ADAM18: variants seen among roughly 807,000 people sequenced by gnomAD.
The protein encoded by ADAM18 is ADAM metallopeptidase domain 18.
ADAM18 carries 117 observed loss-of-function variants against 94.4 expected under a neutral mutation model. The ratio of observed to expected loss-of-function variants is 1.24; its 90% CI spans 1.07 to 1.45. The LOEUF (loss-of-function observed/expected upper bound fraction) is 1.45. Ranked by LOEUF, ADAM18 falls within the 40% of genes most tolerant of loss-of-function variation. ADAM18 has a pLI of 0.00. For missense variants in ADAM18, 936 were observed against 880.0 expected (o/e 1.06, Z -0.81); for synonymous variants, 327 against 291.6 (o/e 1.12, Z -1.24).
In ADAM18 at chr8:39,687,712, A is replaced by G. The variant is rs574921853; in HGVS notation, c.1822-4888A>G. Among the ~76,000 whole-genome samples the G allele has an allele frequency of 5.9e-5, 9 of 152,310 alleles. No individual in the cohort carries two copies. In the East Asian group the frequency reaches 1.7e-3, roughly 29 times the overall value. On this transcript the variant is annotated intron_variant, in intron 16 of 19. Transcript: ENST00000265707. ...GTTTAGCTCCCACTTATAAGTGAGAACATGCAGTATTTAGTTTTCTGTTCC... is the reference window on the plus strand; with the variant it reads ...GTTTAGCTCCCACTTATAAGTGAGAGCATGCAGTATTTAGTTTTCTGTTCC...
chr8:39,706,323 G>A (rs1348375665), intron 17 of ADAM18, among the ~76,000 whole-genome samples: 1 of 152,160 alleles, frequency 6.6e-6, no homozygotes, highest in Non-Finnish European at 1.5e-5. Context: ...AATGTCAAAT[G>A]TTGAAAAGGG....
intron 17 of ADAM18, among the ~76,000 whole-genome samples, chr8:39,701,358 T>C (rs1282872311): frequency 6.6e-6 from 1 of 151,916 alleles, no homozygotes; most frequent in Non-Finnish European, 1.5e-5. Flanking sequence ...TTTTAATACG[T>C]TGTGATAATC....
At chr8:39,662,119 T>C (rs1820857479) in intron 12 of ADAM18, among the ~76,000 whole-genome samples, 1 of 151,980 alleles carries the variant, frequency 6.6e-6, no homozygotes, top group Admixed American at 6.6e-5. Flanking sequence ...ATCAGAGAAG[T>C]AATAATGAGA....
At chr8:39,692,090 A>G (rs544763911) in intron 16 of ADAM18, among the ~76,000 whole-genome samples, 27 of 151,960 alleles carry the variant, frequency 1.8e-4, no homozygotes, top group African/African-American at 6.3e-4. Context: ...CATATTACAC[A>G]TTTTGCCATA....
At chr8:39,698,932 A>C (rs1186699966) in intron 17 of ADAM18, among the ~76,000 whole-genome samples, 5 of 152,092 alleles carry the variant, frequency 3.3e-5, no homozygotes, top group African/African-American at 1.2e-4. Flanking sequence ...GCAGTGCTTT[A>C]GAGAAATTTT....
At chr8:39,705,940 T>C (rs563516426) in intron 17 of ADAM18, among the ~76,000 whole-genome samples, 2 of 152,088 alleles carry the variant, frequency 1.3e-5, no homozygotes, top group Non-Finnish European at 2.9e-5. Flanking sequence ...TTAATGTATA[T>C]GTGTGTTTGT....
At chr8:39,640,703 T>C (rs1342594677) in intron 10 of ADAM18, among the ~76,000 whole-genome samples, 1 of 152,166 alleles carries the variant, frequency 6.6e-6, no homozygotes, top group African/African-American at 2.4e-5. Flanking sequence ...GTTTATTGAC[T>C]TTTTAATAAT....
intron 2 of ADAM18, among the ~76,000 whole-genome samples, chr8:39,588,097 T>C (rs1165224526): frequency 1.3e-5 from 2 of 152,192 alleles, no homozygotes; most frequent in African/African-American, 4.8e-5. Flanking sequence ...TTTTAATTTT[T>C]TGTGGAACCT....
At chr8:39,597,963 A>C (rs1265743826) in intron 2 of ADAM18, among the ~76,000 whole-genome samples, 1 of 152,154 alleles carries the variant, frequency 6.6e-6, no homozygotes, top group African/African-American at 2.4e-5. Flanking sequence ...TCAATTTTGA[A>C]GTTTTTCTCA....
intron 2 of ADAM18, among the ~76,000 whole-genome samples, chr8:39,588,229 T>G (rs1232283720): frequency 2.4e-5 from 3 of 126,008 alleles, no homozygotes; most frequent in Admixed American, 7.9e-5. Context: ...TGGGTGTGGG[T>G]TTTTTTTTTT....
At chr8:39,585,423 C>A in intron 2 of ADAM18, 71 bp downstream of exon 2, 1 of 1,094,000 alleles carries the variant, frequency 9.1e-7, no homozygotes. Context: ...TATATTAAGT[C>A]AGATCATACT....
intron 19 of ADAM18, among the ~76,000 whole-genome samples, chr8:39,727,829 G>GC (rs1420033642): frequency 6.6e-6 from 1 of 152,076 alleles, no homozygotes; most frequent in Non-Finnish European, 1.5e-5. Context: ...TTATGGCAAT[G>GC]CCCCACTGCT....
intron 2 of ADAM18, among the ~76,000 whole-genome samples, chr8:39,596,663 A>C (rs2129458165): frequency 6.6e-6 from 1 of 152,300 alleles, no homozygotes; most frequent in Admixed American, 6.5e-5. Context: ...TATGGACATA[A>C]GTTTTCAGCT....
intron 2 of ADAM18, among the ~76,000 whole-genome samples, chr8:39,587,995 A>G (rs1362994325): frequency 1.3e-5 from 2 of 152,196 alleles, no homozygotes; most frequent in Non-Finnish European, 2.9e-5. Context: ...TGGAATTAAC[A>G]TGGGGCTGCA....
At position 39,608,798 on chromosome 8, in the gene ADAM18, A is replaced by C. The variant is rs147066564; in HGVS notation, c.189-244A>C. On this transcript the variant is annotated intron_variant, in intron 3 of 19. Coordinates refer to ENST00000265707, the MANE Select transcript of ADAM18 (RefSeq NM_014237.3). ...GTACATTTGTTGAACGTCATCATAC[A>C]CAGCTATACATACATATGTCTGATG... Among the ~76,000 whole-genome samples the C allele has an allele frequency of 2.8e-3, 423 of 152,224 alleles. 5 individuals are homozygous for C. The highest frequency in any genetic ancestry group is 9.8e-3 in the African/African-American group (407 of 41,550).
chr8:39,596,904 A>G (rs1418172989), intron 2 of ADAM18, among the ~76,000 whole-genome samples: 2 of 152,170 alleles, frequency 1.3e-5, no homozygotes, highest in Admixed American at 1.3e-4. Context: ...TTAATTTGCA[A>G]TTCCTTAATA....
At chr8:39,620,830 A>G (rs1387094141) in intron 6 of ADAM18, among the ~76,000 whole-genome samples, 1 of 151,852 alleles carries the variant, frequency 6.6e-6, no homozygotes, top group African/African-American at 2.4e-5. Flanking sequence ...ACAGAGATGT[A>G]GAGTGTGGAA....
intron 18 of ADAM18, among the ~76,000 whole-genome samples, chr8:39,713,740 G>A (rs1002103990): frequency 6.6e-6 from 1 of 152,142 alleles, no homozygotes; most frequent in Non-Finnish European, 1.5e-5. Context: ...ACCAAAATGA[G>A]ATATCATCTC....
chr8:39,587,015 A>G (rs576453042), intron 2 of ADAM18, among the ~76,000 whole-genome samples: 1 of 152,292 alleles, frequency 6.6e-6, no homozygotes, highest in East Asian at 1.9e-4. Context: ...GGAATTCTTG[A>G]AGCTATATTT....
Sources: gnomAD v4.1 joint callset for allele counts (sites outside exome capture counted in the v4.1 genomes callset) on GRCh38, gnomAD v4.1.1 for gene constraint, MANE v1.5 for transcripts, NCBI Gene and HGNC (gene_info 2026-07-23, HGNC 2026-07-21) for gene names.